Variants in LINGO2 observed in about 807,000 individuals in gnomAD.
LINGO2 encodes the protein leucine-rich repeat and immunoglobulin-like domain-containing nogo receptor-interacting protein 2.
LINGO2 carries 14 observed loss-of-function variants against 30.6 expected under a neutral mutation model. The observed-to-expected ratio is 0.46, with a 90% CI of 0.30 to 0.72. LINGO2 has a LOEUF of 0.72. Ranked by LOEUF, LINGO2 falls within the 30% of genes least tolerant of loss-of-function variation. LINGO2 has a pLI of 0.07. For missense variants in LINGO2, 729 were observed against 751.7 expected (o/e 0.97, Z 0.35); for synonymous variants, 317 against 288.5 (o/e 1.10, Z -1.00).
the LINGO2 span, among the ~76,000 whole-genome samples, chr9:28,799,555 T>G: frequency 2.0e-5 from 3 of 152,100 alleles, no homozygotes; most frequent in Admixed American, 6.6e-5. Flanking sequence ...TTTTAAGAAC[T>G]GAGAGGAGAG....
At chr9:29,091,342 T>A in the LINGO2 span, among the ~76,000 whole-genome samples, 2 of 152,196 alleles carry the variant, frequency 1.3e-5, no homozygotes, top group East Asian at 1.9e-4. Context: ...CATTATTTTT[T>A]AAATAAAATA....
At chr9:29,138,358 T>G in the LINGO2 span, among the ~76,000 whole-genome samples, 1 of 152,126 alleles carries the variant, frequency 6.6e-6, no homozygotes, top group African/African-American at 2.4e-5. Flanking sequence ...AGTACATTCC[T>G]GACCTTGCCT....
chr9:28,998,677 A>C, the LINGO2 span, among the ~76,000 whole-genome samples: 1 of 152,140 alleles, frequency 6.6e-6, no homozygotes, highest in Non-Finnish European at 1.5e-5. Context: ...TTGCAGGCAG[A>C]AGAAAATGTG....
chr9:28,187,622 G>T (rs2133746588), intron 4 of LINGO2, among the ~76,000 whole-genome samples: 1 of 152,234 alleles, frequency 6.6e-6, no homozygotes, highest in Non-Finnish European at 1.5e-5. Flanking sequence ...AAAGAGGAGA[G>T]ATTAATTTCC....
chr9:28,615,891 TA>T (rs966610030), intron 1 of LINGO2, among the ~76,000 whole-genome samples: 9 of 151,744 alleles, frequency 5.9e-5, no homozygotes, highest in African/African-American at 1.7e-4. Context: ...AACAGGAGAG[TA>T]AAAAAAGCAG....
intron 4 of LINGO2, among the ~76,000 whole-genome samples, chr9:28,097,776 G>A (rs1199970657): frequency 6.6e-6 from 1 of 151,424 alleles, no homozygotes; most frequent in East Asian, 2.0e-4. Flanking sequence ...CATGGCACAT[G>A]TATACATATG....
the LINGO2 span, among the ~76,000 whole-genome samples, chr9:29,159,654 C>G: frequency 6.6e-6 from 1 of 151,900 alleles, no homozygotes; most frequent in Non-Finnish European, 1.5e-5. Flanking sequence ...GTCAGGAGTT[C>G]GAGACAAGCC....
rs1474190851 is a variant in LINGO2, at chr9:28,515,679, G to A, written c.-364-39654C>T. The stretch of plus-strand genomic sequence containing the variant: ...AGATGAGTTGTTCTCATTAAAGAAA[G>A]TGGTTTCTTTTTATGAAGTCTACTT... On this transcript the variant is annotated intron_variant, in intron 1 of 5. Coordinates refer to ENST00000379992, the Ensembl canonical transcript of LINGO2. 2.0e-5 allele frequency among the ~76,000 whole-genome samples: 3 copies of A among 152,308 alleles called. No individual in the cohort carries two copies. The East Asian group carries it at 5.8e-4, about 29-fold the overall frequency.
chr9:28,642,521 T>C (rs779413934), intron 1 of LINGO2, among the ~76,000 whole-genome samples: 17 of 152,154 alleles, frequency 1.1e-4, no homozygotes, highest in Admixed American at 3.9e-4. Context: ...CAAGAGTTAT[T>C]TAGATAATGA....
At chr9:28,637,039 T>C (rs1216014326) in intron 1 of LINGO2, among the ~76,000 whole-genome samples, 1 of 152,212 alleles carries the variant, frequency 6.6e-6, no homozygotes, top group Admixed American at 6.5e-5. Context: ...TTTCTACATA[T>C]GGCTAGCCAG....
At chr9:28,852,014 T>C in the LINGO2 span, among the ~76,000 whole-genome samples, 2 of 151,768 alleles carry the variant, frequency 1.3e-5, no homozygotes, top group Non-Finnish European at 2.9e-5. Flanking sequence ...AAGATCCCTG[T>C]CCCCTAAATC....
At chr9:28,197,339 T>C (rs759417148) in intron 4 of LINGO2, among the ~76,000 whole-genome samples, 20 of 151,820 alleles carry the variant, frequency 1.3e-4, no homozygotes, top group Non-Finnish European at 2.4e-4. Flanking sequence ...AACATTAAAA[T>C]ATGTTATAAG....
At chr9:28,979,684 C>G in the LINGO2 span, among the ~76,000 whole-genome samples, 1 of 151,436 alleles carries the variant, frequency 6.6e-6, no homozygotes, top group East Asian at 1.9e-4. Flanking sequence ...AATGAAAAAT[C>G]TATACATTGA....
intron 4 of LINGO2, among the ~76,000 whole-genome samples, chr9:28,055,572 G>A (rs181148441): frequency 1.1e-4 from 17 of 152,308 alleles, no homozygotes; most frequent in Admixed American, 6.5e-4. Context: ...CGTTCGAAGT[G>A]TAAGGCTTCA....
chr9:28,762,791 T>C, the LINGO2 span, among the ~76,000 whole-genome samples: 1 of 152,012 alleles, frequency 6.6e-6, no homozygotes, highest in African/African-American at 2.4e-5. Context: ...TAAAGTCACC[T>C]TCCTTGCCCC....
chr9:29,139,024 C>T, the LINGO2 span, among the ~76,000 whole-genome samples: 1 of 152,168 alleles, frequency 6.6e-6, no homozygotes, highest in Admixed American at 6.6e-5. Flanking sequence ...GACTTGCTTG[C>T]ACACTCTTTT....
intron 1 of LINGO2, among the ~76,000 whole-genome samples, chr9:28,548,959 A>C (rs2135492676): frequency 6.6e-6 from 1 of 152,128 alleles, no homozygotes; most frequent in South Asian, 2.1e-4. Context: ...AATATAATAA[A>C]ACAAATGTCT....
At chr9:28,789,537 C>A in the LINGO2 span, among the ~76,000 whole-genome samples, 1 of 152,170 alleles carries the variant, frequency 6.6e-6, no homozygotes, top group Non-Finnish European at 1.5e-5. Flanking sequence ...TCTCCCTTTC[C>A]ATGGCTGATT....
chr9:28,146,662 CAT>C (rs1431169527), intron 4 of LINGO2, among the ~76,000 whole-genome samples: 3 of 151,922 alleles, frequency 2.0e-5, no homozygotes, highest in East Asian at 1.9e-4. Flanking sequence ...GTTTTTCATA[CAT>C]GTTTCCCTAG....
Sources: gnomAD v4.1 joint callset for allele counts (sites outside exome capture counted in the v4.1 genomes callset) on GRCh38, gnomAD v4.1.1 for gene constraint, MANE v1.5 for transcripts, NCBI Gene and HGNC (gene_info 2026-07-23, HGNC 2026-07-21) for gene names.